PDE5A: variants seen among roughly 807,000 people sequenced by gnomAD.
The protein encoded by PDE5A is phosphodiesterase 5A.
PDE5A carries 67 observed loss-of-function variants against 110.2 expected under a neutral mutation model. The observed-to-expected ratio is 0.61, with a 90% CI of 0.50 to 0.75. The LOEUF (loss-of-function observed/expected upper bound fraction) is 0.75, where lower values mean the gene tolerates loss of function less well. PDE5A is among the 30% of genes least tolerant of loss of function. The pLI is 0.00. For synonymous variants in PDE5A, 328 were observed against 351.2 expected, an observed-to-expected ratio of 0.93 and a Z score of 0.74; for missense variants, 862 against 1,045.1, an observed-to-expected ratio of 0.82 and a Z score of 2.42.
intron 3 of PDE5A, among the ~76,000 whole-genome samples, chr4:119,574,178 G>GC (rs1728239832): frequency 1.5e-5 from 1 of 68,906 alleles, no homozygotes. Flanking sequence ...CAAAATATAG[G>GC]CTTTTTTTTT....
chr4:119,565,316 C>T lies in PDE5A; in HGVS notation c.993+5G>A, dbSNP rs772948360. On this transcript the variant is annotated splice_donor_5th_base_variant and intron_variant, in intron 5 of 20. Transcript: ENST00000354960. Reference sequence around the variant, plus strand: ...CTATGCACTTTCTTTAGTAATCAGACTGACCTGATTTCTCTTGTTCTCCAG... The same window carrying T: ...CTATGCACTTTCTTTAGTAATCAGATTGACCTGATTTCTCTTGTTCTCCAG... 6.9e-6 allele frequency: 11 copies of T among 1,584,800 alleles called. No individual in the cohort carries two copies. The Admixed American group carries it at 1.7e-4, about 24-fold the overall frequency.
chr4:119,594,450 T>C (rs1296118126), intron 3 of PDE5A, among the ~76,000 whole-genome samples: 1 of 149,596 alleles, frequency 6.7e-6, no homozygotes, highest in Non-Finnish European at 1.5e-5. Context: ...GGAATCTTAG[T>C]CTGTGGTTTA....
At chr4:119,604,336 G>A (rs575341544) in intron 2 of PDE5A, among the ~76,000 whole-genome samples, 2 of 152,276 alleles carry the variant, frequency 1.3e-5, no homozygotes, top group Non-Finnish European at 2.9e-5. Context: ...TCTCAGGGCT[G>A]GAGACACTTA....
At chr4:119,548,044 A>ATTTT (rs11438089) in intron 9 of PDE5A, among the ~76,000 whole-genome samples, 1,316 of 94,672 alleles carry the variant, frequency 0.014, 12 homozygotes, top group Non-Finnish European at 0.015. Flanking sequence ...TTCTCCGTGT[A>ATTTT]TTTTTTTTTT....
intron 14 of PDE5A, among the ~76,000 whole-genome samples, chr4:119,518,030 T>C (rs1157110421): frequency 1.3e-5 from 2 of 152,192 alleles, no homozygotes; most frequent in African/African-American, 4.8e-5. Context: ...AGGCAAGAGC[T>C]TGCTATCTTT....
intron 9 of PDE5A, chr4:119,543,814 C>A (rs1320213423): frequency 1.3e-5 from 2 of 152,386 alleles, no homozygotes; most frequent in African/African-American, 4.8e-5. Context: ...TACCTCCTTC[C>A]CAATGACCTC....
At chr4:119,594,817 A>C (rs535986639) in intron 3 of PDE5A, among the ~76,000 whole-genome samples, 3 of 152,318 alleles carry the variant, frequency 2.0e-5, no homozygotes, top group African/African-American at 7.2e-5. Context: ...CTTGTTAATC[A>C]AATTGTGATC....
At position 119,628,607 on chromosome 4, in the gene PDE5A, TGCTTCTGCTGCTGGG is replaced by T. The variant is rs757606111; in HGVS notation, c.50_64del (p.Pro17_Lys21del). On this transcript the variant is annotated inframe_deletion, in exon 1 of 21. Coordinates refer to ENST00000354960, the MANE Select transcript of PDE5A (RefSeq NM_001083.4). Reference sequence around the variant, plus strand: ...GACCGAGTCCTGATCCCTCTGCTGCTGCTTCTGCTGCTGGGGCTGCTGCTGCTGTCGCTGCTGCCC... The same window carrying T: ...GACCGAGTCCTGATCCCTCTGCTGCTGCTGCTGCTGCTGTCGCTGCTGCCC... 1 of 1,613,862 alleles carries T rather than the reference TGCTTCTGCTGCTGGG, an allele frequency of 6.2e-7. No individual in the cohort carries two copies. The highest frequency in any genetic ancestry group is 1.7e-5 in the Admixed American group (1 of 59,982).
chr4:119,596,376 G>GA, intron 3 of PDE5A, 147 bp downstream of exon 3: 8 of 450,398 alleles, frequency 1.8e-5, no homozygotes, highest in South Asian at 5.2e-5. Flanking sequence ...AATCTAAATA[G>GA]AAAAAAAATC....
intron 1 of PDE5A, among the ~76,000 whole-genome samples, chr4:119,619,174 T>A (rs1437446535): frequency 6.6e-6 from 1 of 152,198 alleles, no homozygotes; most frequent in Non-Finnish European, 1.5e-5. Context: ...TAAAAAATTA[T>A]GTTGGCTACT....
chr4:119,559,806 A>G (rs1382194805), intron 7 of PDE5A, among the ~76,000 whole-genome samples: 1 of 152,212 alleles, frequency 6.6e-6, no homozygotes, highest in African/African-American at 2.4e-5. Context: ...AAAGGTCAGC[A>G]ATTCAATTAT....
At chr4:119,595,758 C>T (rs1729130317) in intron 3 of PDE5A, among the ~76,000 whole-genome samples, 1 of 152,160 alleles carries the variant, frequency 6.6e-6, no homozygotes, top group Non-Finnish European at 1.5e-5. Flanking sequence ...GACTGTGGGA[C>T]CTCTTGGTCT....
At chr4:119,539,082 T>G in intron 10 of PDE5A, 63 bp from the exon 11 acceptor site, 1 of 1,230,052 alleles carries the variant, frequency 8.1e-7, no homozygotes, top group Non-Finnish European at 1.2e-6. Flanking sequence ...AGACTAGAAC[T>G]TCAAGCTTGG....
chr4:119,551,119 T>A (rs1230834599), intron 9 of PDE5A, among the ~76,000 whole-genome samples: 1 of 152,162 alleles, frequency 6.6e-6, no homozygotes, highest in Non-Finnish European at 1.5e-5. Flanking sequence ...AGGCACTAGA[T>A]TAGCATACTG....
At chr4:119,577,327 C>T (rs1244522954) in intron 3 of PDE5A, among the ~76,000 whole-genome samples, 1 of 152,214 alleles carries the variant, frequency 6.6e-6, no homozygotes, top group Admixed American at 6.5e-5. Flanking sequence ...TCCTCCCTAA[C>T]TCATTTTATG....
Position 119,525,560 on chromosome 4 carries a change from T to C in PDE5A, c.1768A>G (p.Met590Val), listed in dbSNP as rs1034526436. Reference sequence around the variant, plus strand: ...TGCTGCATTCCTACCTCATGTTTCATCTGGAAGTTCTGCACAAGGTTGAGG... The same window carrying C: ...TGCTGCATTCCTACCTCATGTTTCACCTGGAAGTTCTGCACAAGGTTGAGG... Reference protein sequence around the residue: ...TDLNLVQNFQMKHEVLCRWIL... With the variant: ...TDLNLVQNFQVKHEVLCRWIL... Residue 590 changes from methionine to valine, a missense_variant, in exon 12 of 21, where the codon ATG (methionine) becomes GTG (valine). Physicochemically the swap from Met to Val is conservative, Grantham distance 21. Transcript: ENST00000354960. The surrounding 1 kb of genome is among the most constrained non-coding windows in gnomAD (Gnocchi z 4.3). 5 of 1,612,860 alleles carry C rather than the reference T, an allele frequency of 3.1e-6. No homozygotes were observed. The African/African-American group carries it at 6.7e-5, about 22-fold the overall frequency.
In PDE5A at chr4:119,556,967, A is replaced by T. The variant is rs542360094; in HGVS notation, c.1200-3221T>A. On this transcript the variant is annotated intron_variant, in intron 7 of 20. Coordinates refer to ENST00000354960, the MANE Select transcript of PDE5A (RefSeq NM_001083.4). ...GAATATGGATCTCATTCTTTTACTGATGGGAATATTATAGTGTCCTTTAGA... is the reference window on the plus strand; with the variant it reads ...GAATATGGATCTCATTCTTTTACTGTTGGGAATATTATAGTGTCCTTTAGA... Among the ~76,000 whole-genome samples, 19 of 152,280 alleles carry T rather than the reference A, an allele frequency of 1.2e-4. No homozygotes were observed. In the South Asian group the frequency reaches 1.5e-3, roughly 12 times the overall value.
At chr4:119,523,556 C>T (rs1002012153) in intron 12 of PDE5A, among the ~76,000 whole-genome samples, 1 of 151,832 alleles carries the variant, frequency 6.6e-6, no homozygotes, top group Non-Finnish European at 1.5e-5. Flanking sequence ...TGATGTTGGC[C>T]AGAATTAGAA....
At chr4:119,590,413 G>A (rs1728926007) in intron 3 of PDE5A, among the ~76,000 whole-genome samples, 1 of 151,896 alleles carries the variant, frequency 6.6e-6, no homozygotes, top group Non-Finnish European at 1.5e-5. Flanking sequence ...TTTTCTTTCT[G>A]TCTTTATTCA....
Sources: allele counts gnomAD v4.1 joint callset (sites outside exome capture counted in the v4.1 genomes callset), GRCh38; gene constraint gnomAD v4.1.1; non-coding constraint Gnocchi (gnomAD v3.1); transcripts MANE v1.5; gene names NCBI Gene and HGNC (gene_info 2026-07-23, HGNC 2026-07-21).